EMID1: variants seen among roughly 807,000 people sequenced by gnomAD.
EMID1 encodes EMI domain-containing protein 1.
Under a neutral mutation model 60.6 loss-of-function variants are expected in EMID1, and 40 were observed. The ratio of observed to expected loss-of-function variants is 0.66; its 90% CI spans 0.51 to 0.86. The LOEUF (loss-of-function observed/expected upper bound fraction) is 0.86. EMID1 is among the 40% of genes least tolerant of loss of function. EMID1 has a pLI of 0.00. For synonymous variants in EMID1, 242 were observed against 231.0 expected (o/e 1.05, Z -0.43); for missense variants, 585 against 597.1 (o/e 0.98, Z 0.21).
At chr22:29,207,080 C>CGG (rs1233071147) in intron 1 of EMID1, among the ~76,000 whole-genome samples, 1 of 152,226 alleles carries the variant, frequency 6.6e-6, no homozygotes, top group Non-Finnish European at 1.5e-5. Flanking sequence ...AAGGCCTGCG[C>CGG]GGCCCCCACC....
chr22:29,253,034 G>A (rs768833954), intron 13 of EMID1, among the ~76,000 whole-genome samples: 2 of 152,192 alleles, frequency 1.3e-5, no homozygotes, highest in Non-Finnish European at 2.9e-5. Flanking sequence ...GCTTACGATG[G>A]TTCAAATTAC....
chr22:29,245,963 CA>C (rs2041315929), intron 13 of EMID1, among the ~76,000 whole-genome samples: 1 of 152,188 alleles, frequency 6.6e-6, no homozygotes, highest in Non-Finnish European at 1.5e-5. Context: ...TACACAGATG[CA>C]ATTCAGACAC....
chr22:29,256,194 C>G (rs937188987), intron 14 of EMID1, among the ~76,000 whole-genome samples: 1 of 152,054 alleles, frequency 6.6e-6, no homozygotes, highest in Non-Finnish European at 1.5e-5. Flanking sequence ...ACTGAGAGGC[C>G]GGTCATGTTA....
chr22:29,218,362 C>A (rs116562660), intron 3 of EMID1, among the ~76,000 whole-genome samples: 3 of 152,172 alleles, frequency 2.0e-5, no homozygotes, highest in Non-Finnish European at 4.4e-5. Flanking sequence ...CACTTTGTGA[C>A]GAATGAGGAT....
chr22:29,230,234 G>A (rs1205195894), intron 5 of EMID1, among the ~76,000 whole-genome samples: 1 of 152,110 alleles, frequency 6.6e-6, no homozygotes, highest in Non-Finnish European at 1.5e-5. Context: ...TCTGGAGGCT[G>A]AGGCAGGAGA....
At chr22:29,231,824 C>T (rs574096730) in intron 7 of EMID1, 142 bp downstream of exon 7, 3 of 739,970 alleles carry the variant, frequency 4.1e-6, no homozygotes, top group Admixed American at 6.4e-5. Flanking sequence ...CACGGAGTGC[C>T]CTGCCCACGC....
intron 6 of EMID1, 76 bp downstream of exon 6, chr22:29,231,216 A>C: frequency 6.6e-7 from 1 of 1,512,530 alleles, no homozygotes; most frequent in East Asian, 2.3e-5. Flanking sequence ...TCTGGTCCCC[A>C]CCCTGTCGCT....
chr22:29,240,945 T>A (rs1023859009), intron 12 of EMID1, among the ~76,000 whole-genome samples: 4 of 152,236 alleles, frequency 2.6e-5, no homozygotes, highest in African/African-American at 9.6e-5. Flanking sequence ...TAGTTTCTCC[T>A]GAGTCAGGCT....
intron 3 of EMID1, among the ~76,000 whole-genome samples, chr22:29,218,677 T>C (rs897022833): frequency 6.6e-6 from 1 of 152,152 alleles, no homozygotes; most frequent in Non-Finnish European, 1.5e-5. Flanking sequence ...GCCAGGGCCA[T>C]GTCAGGAGGG....
In EMID1 at chr22:29,250,733, A is replaced by ATTTTT. The variant is rs748172215; in HGVS notation, c.1120-3439_1120-3435dup. 1.5e-3 allele frequency among the ~76,000 whole-genome samples: 34 copies of ATTTTT among 22,484 alleles called. 1 individual carries two copies. The highest frequency in any genetic ancestry group is 4.7e-3 in the African/African-American group (32 of 6,780). The allele number at this position is 22,484 out of a possible 152,430, so 14.8% of individuals were successfully genotyped here. On this transcript the variant is annotated intron_variant, in intron 13 of 14. Coordinates refer to ENST00000334018, the MANE Select transcript of EMID1 (RefSeq NM_133455.4). The stretch of plus-strand genomic sequence containing the variant: ...AGGCATGCACCACCACACCCGGCTA[A>ATTTTT]TTTTTTTTTTTTTTTTTTTTTTTTT...
At chr22:29,209,336 TG>T (rs2039797417) in intron 1 of EMID1, among the ~76,000 whole-genome samples, 1 of 151,994 alleles carries the variant, frequency 6.6e-6, no homozygotes, top group South Asian at 2.1e-4. Flanking sequence ...GCAGAAGTGT[TG>T]GGCCCAGGAG....
Position 29,259,261 on chromosome 22 carries a change from T to A in EMID1, c.*317T>A. 1 of 359,834 alleles carries A rather than the reference T, an allele frequency of 2.8e-6. No homozygotes were observed. The highest frequency in any genetic ancestry group is 7.5e-5 in the East Asian group (1 of 13,328). 22.3% of individuals were successfully genotyped at this position (359,834 alleles called of 1,614,324 possible). ...TCCAGGCCCAAAGGCACTGAGGGAG[T>A]CAGGAGCTGGGGCTCGGCACATGCA... On this transcript the variant is annotated 3_prime_UTR_variant, in exon 15 of 15. Transcript: ENST00000334018.
intron 1 of EMID1, among the ~76,000 whole-genome samples, chr22:29,213,360 G>A (rs1436234964): frequency 6.6e-6 from 1 of 152,222 alleles, no homozygotes; most frequent in Non-Finnish European, 1.5e-5. Context: ...TGAAGGCTCT[G>A]TTGAGCTTCT....
At chr22:29,232,601 C>T (rs2040793339) in intron 8 of EMID1, 199 bp downstream of exon 8, 3 of 611,274 alleles carry the variant, frequency 4.9e-6, no homozygotes, top group Non-Finnish European at 8.0e-6. Context: ...GGGAAGGTGG[C>T]TTGCCAGGGT....
rs1395903037 is a variant in EMID1, at chr22:29,238,989, T to C, written c.1075-4456T>C. Among the ~76,000 whole-genome samples the C allele has an allele frequency of 1.1e-4, 16 of 144,794 alleles. 2 individuals carry two copies. Among genetic ancestry groups the C allele is most frequent in the African/African-American group, 4.4e-4 (16 of 36,754 alleles). The allele number at this position is 144,794 out of a possible 152,430, so 95.0% of individuals were successfully genotyped here. On this transcript the variant is annotated intron_variant, in intron 12 of 14. Transcript: ENST00000334018. ...TTTGGGGGGAAAATTCTGTCATTATTACTTCAAATATTGCTTGTGTTTCTT... is the reference window on the plus strand; with the variant it reads ...TTTGGGGGGAAAATTCTGTCATTATCACTTCAAATATTGCTTGTGTTTCTT...
Position 29,251,967 on chromosome 22 carries a change from C to T in EMID1, c.1120-2236C>T, listed in dbSNP as rs115356433. Among the ~76,000 whole-genome samples the T allele has an allele frequency of 9.3e-3, 1,422 of 152,158 alleles. 26 individuals are homozygous for T. The highest frequency in any genetic ancestry group is 0.032 in the African/African-American group (1,339 of 41,500). ...TGGGATTACAGGACAGCTACCGTGCCCACTCTAATTTTTAAATTTTTTGTA... is the reference window on the plus strand; with the variant it reads ...TGGGATTACAGGACAGCTACCGTGCTCACTCTAATTTTTAAATTTTTTGTA... On this transcript the variant is annotated intron_variant, in intron 13 of 14. Transcript: ENST00000334018.
intron 13 of EMID1, among the ~76,000 whole-genome samples, chr22:29,250,669 C>T (rs1185245586): frequency 2.7e-5 from 4 of 146,730 alleles, no homozygotes; most frequent in Admixed American, 6.9e-5. Flanking sequence ...CAGGTTCAAA[C>T]GATTCTCCCA....
At chr22:29,231,511 A>C in intron 6 of EMID1, 82 bp from the exon 7 acceptor site, 5 of 1,401,544 alleles carry the variant, frequency 3.6e-6, no homozygotes, top group South Asian at 1.2e-5. Flanking sequence ...CCGAAATGGT[A>C]GATGCTGGTT....
At chr22:29,238,967 G>T (rs527249764) in intron 12 of EMID1, among the ~76,000 whole-genome samples, 3 of 144,062 alleles carry the variant, frequency 2.1e-5, no homozygotes, top group Non-Finnish European at 1.5e-5. Flanking sequence ...TGACATTTTT[G>T]GGGGGAAAAT....
Sources: allele counts gnomAD v4.1 joint callset (sites outside exome capture counted in the v4.1 genomes callset), GRCh38; gene constraint gnomAD v4.1.1; transcripts MANE v1.5; gene names NCBI Gene and HGNC (gene_info 2026-07-23, HGNC 2026-07-21).